The following MACF1 variants were observed in gnomAD, a reference collection of about 807,000 sequenced individuals.
MACF1 encodes microtubule-actin cross-linking factor 1.
A neutral mutation model predicts 854.8 loss-of-function variants in MACF1; 193 were observed. The ratio of observed to expected loss-of-function variants is 0.23; its 90% confidence interval spans 0.20 to 0.25. MACF1 has a LOEUF of 0.25. MACF1 is among the 10% of genes least tolerant of loss of function. The pLI is 1.00. For synonymous variants in MACF1, 3,185 were observed against 3,226.7 expected (o/e 0.99, Z 0.44); for missense variants, 7,722 against 8,929.1 (o/e 0.86, Z 5.45).
intron 2 of MACF1, among the ~76,000 whole-genome samples, chr1:39,132,435 T>G (rs1643026471): frequency 6.6e-6 from 1 of 152,200 alleles, no homozygotes; most frequent in African/African-American, 2.4e-5. Context: ...CGGTTGGCAT[T>G]AGGCATTGGA....
intron 6 of MACF1, among the ~76,000 whole-genome samples, chr1:39,276,951 A>G (rs1029369672): frequency 2.0e-5 from 3 of 152,216 alleles, no homozygotes; most frequent in Admixed American, 2.0e-4. Context: ...ATCAACTGAC[A>G]TAATTGATTA....
rs1052968036 is a variant in MACF1, at chr1:39,452,740, G to A, written c.20670G>A (p.Glu6890=). The change falls in exon 87 of 101, where the codon GAG becomes GAA. Residue 6890 remains glutamate, a synonymous_variant. Transcript: ENST00000564288. ...HMLLEWLSEA[E]QTLRFRGALP... Reference sequence around the variant, plus strand: ...TGTTGGAGTGGCTTTCTGAAGCAGAGCAAACGCTTCGCTTTCGGGGAGCAC... The same window carrying A: ...TGTTGGAGTGGCTTTCTGAAGCAGAACAAACGCTTCGCTTTCGGGGAGCAC... 7 of 1,613,864 alleles carry A rather than the reference G, an allele frequency of 4.3e-6. No individual in the cohort carries two copies. Among genetic ancestry groups the A allele is most frequent in the East Asian group, 2.2e-5 (1 of 44,896 alleles).
In MACF1 at chr1:39,433,121, G is replaced by C. The variant is rs922163645; in HGVS notation, c.17531G>C (p.Gly5844Ala). The change falls in exon 68 of 101, where the codon GGC becomes GCC. Residue 5844 changes from glycine (G) to alanine (A), a missense_variant. This residue lies in a region of MACF1 where 2,807 missense variants were observed against 3,235.8 expected (regional missense o/e 0.87). Transcript: ENST00000564288. ...ELFSHRSEIF[G>A]TCGEEQKTVL... ...TTCAGTCACCGTAGTGAAATCTTTG[G>C]CACATGTGGGGAGGAGCAAAAAACT... The C allele has an allele frequency of 3.1e-6, 5 of 1,611,474 alleles. No homozygotes were observed. The highest frequency in any genetic ancestry group is 4.2e-6 in the Non-Finnish European group (5 of 1,178,530).
At chr1:39,387,071 A>T in intron 57 of MACF1, 116 bp from the exon 58 acceptor site, 1 of 1,102,756 alleles carries the variant, frequency 9.1e-7, no homozygotes. Context: ...TCTTTTTGGT[A>T]GGCCCTCAAG....
At chr1:39,462,832 G>A (rs1013879705) in intron 93 of MACF1, among the ~76,000 whole-genome samples, 2 of 152,150 alleles carry the variant, frequency 1.3e-5, no homozygotes, top group African/African-American at 2.4e-5. Context: ...ATTTATTAGT[G>A]CCATCTAGAA....
In MACF1 at chr1:39,346,269, G is replaced by A. The variant is rs1429386632; in HGVS notation, c.10582-708G>A. Among the ~76,000 whole-genome samples, 6 of 151,648 alleles carry A rather than the reference G, an allele frequency of 4.0e-5. No homozygotes were observed. In the East Asian group the frequency reaches 1.2e-3, roughly 30 times the overall value. ...CCCAGCTACTCGAGAGGCTGAGGGA[G>A]GAGAATAGCATGAACCTGGGAGGCA... On this transcript the variant is annotated intron_variant, in intron 40 of 100. Transcript: ENST00000564288.
At position 39,296,751 on chromosome 1, in the gene MACF1, A is replaced by AAGGAAGGAAGG. The variant is rs1557571195; in HGVS notation, c.2356-868_2356-867insGGAAGGAAGGA. On this transcript the variant is annotated intron_variant, in intron 20 of 100. Coordinates refer to ENST00000564288, the MANE Select transcript of MACF1 (RefSeq NM_001394062.1). ...AATAAAAAGAAAGAAAGAAAGAAAG[A>AAGGAAGGAAGG]AAGGAAGGAAGGAAGGAAGGAAAAG... 6.0e-4 allele frequency among the ~76,000 whole-genome samples: 56 copies of AAGGAAGGAAGG among 93,710 alleles called. 1 individual carries two copies. The highest frequency in any genetic ancestry group is 5.4e-3 in the Middle Eastern group (1 of 184). 61.5% of individuals were successfully genotyped at this position (93,710 alleles called of 152,430 possible).
intron 4 of MACF1, among the ~76,000 whole-genome samples, chr1:39,253,509 A>ATTT (rs34578005): frequency 0.018 from 1,664 of 91,276 alleles, 23 homozygotes; most frequent in Non-Finnish European, 0.023. Context: ...AGCTATCTGT[A>ATTT]TTTTTTTTTT....
chr1:39,335,270 TAAA>T lies in MACF1; in HGVS notation c.8683_8685del (p.Lys2895del), dbSNP rs758049890. 4.3e-6 allele frequency: 7 copies of T among 1,614,022 alleles called. No homozygotes were observed. Among genetic ancestry groups the T allele is most frequent in the Middle Eastern group, 1.6e-4 (1 of 6,062 alleles). ...CTTACTCTGAATGTGATTTTAAACT[TAAA>T]GAAGTGGCTAGAAATAACATGGGAA... On this transcript the variant is annotated inframe_deletion, in exon 37 of 101. Transcript: ENST00000564288.
At chr1:39,209,517 A>G (rs542157748) in intron 1 of MACF1, among the ~76,000 whole-genome samples, 2 of 152,254 alleles carry the variant, frequency 1.3e-5, no homozygotes, top group Non-Finnish European at 2.9e-5. Context: ...GTTGGATAAT[A>G]TGATCTTTTA....
chr1:39,351,903 A>C (rs1647195502), intron 43 of MACF1, among the ~76,000 whole-genome samples: 1 of 152,116 alleles, frequency 6.6e-6, no homozygotes, highest in South Asian at 2.1e-4. Flanking sequence ...ACATATTTTA[A>C]TATGAGTCTA....
At chr1:39,415,341 T>C (rs945411143) in intron 58 of MACF1, among the ~76,000 whole-genome samples, 2 of 151,344 alleles carry the variant, frequency 1.3e-5, no homozygotes, top group African/African-American at 4.9e-5. Flanking sequence ...TTTATTTTTT[T>C]TTTTTAGATG....
intron 2 of MACF1, among the ~76,000 whole-genome samples, chr1:39,241,050 G>GT (rs34414583): frequency 0.06 from 7,747 of 129,418 alleles, 415 homozygotes; most frequent in African/African-American, 0.15. Flanking sequence ...ACTATAATCT[G>GT]TTTTTTTTTT....
At position 39,453,940 on chromosome 1, in the gene MACF1, T is replaced by C. The variant is rs1403413803; in HGVS notation, c.20886+90T>C. On this transcript the variant is annotated intron_variant, in intron 88 of 100. Transcript: ENST00000564288. The stretch of plus-strand genomic sequence containing the variant: ...TATTTTTCCCCCAGGTAAGGAATCT[T>C]TCACTCACTGTGAATAACTCAGCAA... The C allele has an allele frequency of 2.1e-6, 3 of 1,445,392 alleles. No individual in the cohort carries two copies. In the Admixed American group the frequency reaches 6.2e-5, roughly 30 times the overall value. The allele number at this position is 1,445,392 out of a possible 1,614,324, so 89.5% of individuals were successfully genotyped here. A position where few individuals can be genotyped will look rare whatever the true frequency, so the allele number is the denominator to read the frequency against.
intron 1 of MACF1, among the ~76,000 whole-genome samples, chr1:39,228,204 T>C (rs1028897619): frequency 2.0e-5 from 3 of 151,970 alleles, no homozygotes; most frequent in African/African-American, 7.3e-5. Context: ...GCAGCTACTC[T>C]GGAGGCTGAG....
intron 98 of MACF1, 43 bp downstream of exon 98, chr1:39,480,052 C>A: frequency 8.0e-7 from 1 of 1,248,024 alleles, no homozygotes; most frequent in South Asian, 1.3e-5. Flanking sequence ...CCAATCCCAC[C>A]CTCACAGATG....
chr1:39,187,895 T>TCTCTCTCTCTCTCTCTCTC (rs1553160213), intron 2 of MACF1, among the ~76,000 whole-genome samples: 1 of 68,398 alleles, frequency 1.5e-5, no homozygotes, highest in Non-Finnish European at 2.8e-5. Flanking sequence ...TCTCTCTCTC[T>TCTCTCTCTCTCTCTCTCTC]CTCTCTCCTC....
intron 1 of MACF1, among the ~76,000 whole-genome samples, chr1:39,212,092 T>C (rs552916046): frequency 1.3e-5 from 2 of 152,120 alleles, no homozygotes; most frequent in Admixed American, 6.5e-5. Flanking sequence ...CTCAGATAAC[T>C]TCTGACCACA....
At chr1:39,427,713 G>T in intron 62 of MACF1, 99 bp downstream of exon 62, 3 of 1,263,322 alleles carry the variant, frequency 2.4e-6, no homozygotes, top group Non-Finnish European at 3.3e-6. Flanking sequence ...TGTGTTTTGT[G>T]GGTTTAACTT....
Sources: gnomAD v4.1 joint callset for allele counts (sites outside exome capture counted in the v4.1 genomes callset) on GRCh38, gnomAD v4.1.1 for gene constraint, gnomAD v4.1.1 regional missense constraint, MANE v1.5 for transcripts, NCBI Gene and HGNC (gene_info 2026-07-23, HGNC 2026-07-21) for gene names.